The following CDH23 variants were observed in gnomAD, a reference collection of about 807,000 sequenced individuals.
The protein encoded by CDH23 is cadherin related 23, also known as cadherin-23.
A neutral mutation model predicts 317.1 loss-of-function variants in CDH23; 189 were observed. That is an observed-to-expected ratio of 0.60 (90% CI 0.53 to 0.67). The LOEUF (loss-of-function observed/expected upper bound fraction) is 0.67, where lower values mean the gene tolerates loss of function less well. Among genes scored for constraint, CDH23 ranks in the 30% least tolerant of loss-of-function variants. The pLI, the probability that CDH23 is intolerant of heterozygous loss-of-function variation, is 0.00. For synonymous variants in CDH23, 1,839 were observed against 1,876.8 expected (o/e 0.98, Z 0.52); for missense variants, 4,401 against 4,592.4 (o/e 0.96, Z 1.20).
chr10:71,752,453 C>T (rs1840028485), intron 38 of CDH23, among the ~76,000 whole-genome samples: 1 of 152,146 alleles, frequency 6.6e-6, no homozygotes, highest in South Asian at 2.1e-4. Flanking sequence ...CTGAACACAC[C>T]CTCCAGGCCA....
At chr10:71,533,285 C>A (rs572522195) in intron 6 of CDH23, among the ~76,000 whole-genome samples, 26 of 152,238 alleles carry the variant, frequency 1.7e-4, no homozygotes, top group African/African-American at 6.3e-4. Flanking sequence ...ACCTTGGCTT[C>A]CTTGTCTGCA....
At chr10:71,655,035 C>G (rs1329829000) in intron 14 of CDH23, among the ~76,000 whole-genome samples, 1 of 152,136 alleles carries the variant, frequency 6.6e-6, no homozygotes, top group African/African-American at 2.4e-5. Context: ...TTTTCCATAC[C>G]ACTTCTGAGC....
In CDH23 at chr10:71,805,957, C is replaced by T. The variant is rs1841702595; in HGVS notation, c.8024C>T (p.Thr2675Ile). 1 of 1,611,206 alleles carries T rather than the reference C, an allele frequency of 6.2e-7. No homozygotes were observed. Residue 2675 changes from threonine (T) to isoleucine (I), a missense_variant, in exon 56 of 70, where the codon ACT (threonine) becomes ATT (isoleucine). Transcript: ENST00000224721. ...GACCCAATCAGCGGCCTCATCCAGA[C>T]TGCTCAGCGCCTGGACCGCGAGTCG... ...IIDPISGLIQ[T>I]AQRLDRESQA...
intron 3 of CDH23, among the ~76,000 whole-genome samples, chr10:71,486,407 G>A (rs1852349521): frequency 6.6e-6 from 1 of 152,122 alleles, no homozygotes; most frequent in African/African-American, 2.4e-5. Flanking sequence ...ATGAGAGGAG[G>A]GGAGCAGCCT....
intron 11 of CDH23, among the ~76,000 whole-genome samples, chr10:71,626,214 G>T (rs140183318): frequency 6.6e-6 from 1 of 152,120 alleles, no homozygotes; most frequent in Non-Finnish European, 1.5e-5. Flanking sequence ...CTGAGAAGGG[G>T]GTGCCTGGGC....
chr10:71,756,517 G>A (rs79713244), intron 38 of CDH23, among the ~76,000 whole-genome samples: 3,134 of 152,254 alleles, frequency 0.021, 121 homozygotes, highest in African/African-American at 0.071. Context: ...AATTCCTAGC[G>A]GTCAAAGTGC....
At chr10:71,526,336 G>T (rs1025428393) in intron 6 of CDH23, among the ~76,000 whole-genome samples, 1 of 152,218 alleles carries the variant, frequency 6.6e-6, no homozygotes, top group African/African-American at 2.4e-5. Flanking sequence ...GGCTCTCCAC[G>T]TGGGCCCAGG....
At chr10:71,571,529 T>C in intron 8 of CDH23, among the ~76,000 whole-genome samples, 1 of 152,336 alleles carries the variant, frequency 6.6e-6, no homozygotes, top group East Asian at 1.9e-4. Flanking sequence ...CATGGGTGTC[T>C]TAGAGGACAA....
intron 3 of CDH23, among the ~76,000 whole-genome samples, chr10:71,468,064 C>A (rs939353059): frequency 1.3e-5 from 2 of 152,188 alleles, no homozygotes; most frequent in African/African-American, 4.8e-5. Context: ...CTGATGGAAG[C>A]TCTGAGCTCT....
intron 6 of CDH23, among the ~76,000 whole-genome samples, chr10:71,560,930 A>G (rs1023489825): frequency 6.6e-6 from 1 of 152,224 alleles, no homozygotes; most frequent in Admixed American, 6.5e-5. Flanking sequence ...GATGGCACCT[A>G]TGGTGGAAAT....
At chr10:71,471,404 C>A (rs1851501031) in intron 3 of CDH23, among the ~76,000 whole-genome samples, 1 of 152,216 alleles carries the variant, frequency 6.6e-6, no homozygotes, top group South Asian at 2.1e-4. Context: ...TCTCTCCCAC[C>A]ACTGTGATTG....
At chr10:71,641,893 A>G (rs1188181343) in intron 11 of CDH23, among the ~76,000 whole-genome samples, 1 of 152,174 alleles carries the variant, frequency 6.6e-6, no homozygotes, top group East Asian at 1.9e-4. Context: ...AGCCTGGCCA[A>G]CAGGCGAAAA....
At chr10:71,666,318 G>A (rs988671681) in intron 14 of CDH23, among the ~76,000 whole-genome samples, 1 of 150,296 alleles carries the variant, frequency 6.7e-6, no homozygotes, top group African/African-American at 2.5e-5. Context: ...CCACCCCACC[G>A]CTCACTCCCT....
At chr10:71,501,118 T>C (rs1344960531) in intron 3 of CDH23, among the ~76,000 whole-genome samples, 2 of 152,162 alleles carry the variant, frequency 1.3e-5, no homozygotes, top group African/African-American at 4.8e-5. Flanking sequence ...TCCACCCACC[T>C]TGGCCTCCCA....
intron 6 of CDH23, among the ~76,000 whole-genome samples, chr10:71,533,570 C>CACACACACA (rs1855536445): frequency 8.9e-6 from 1 of 112,308 alleles, no homozygotes; most frequent in African/African-American, 3.4e-5. Flanking sequence ...CACACACACA[C>CACACACACA]TGGCTGGGGC....
chr10:71,707,213 C>T, intron 26 of CDH23, 164 bp downstream of exon 26: 1 of 1,493,936 alleles, frequency 6.7e-7, no homozygotes, highest in Non-Finnish European at 8.9e-7. Context: ...GGATTTGCTC[C>T]TGGCTCTTCC....
intron 1 of CDH23, among the ~76,000 whole-genome samples, chr10:71,439,459 G>A (rs1260081536): frequency 2.0e-5 from 3 of 152,086 alleles, no homozygotes; most frequent in Non-Finnish European, 1.5e-5. Context: ...GGGGGATGTG[G>A]TCCTGGAGGC....
At chr10:71,669,823 G>A (rs915169115) in intron 14 of CDH23, among the ~76,000 whole-genome samples, 2 of 151,580 alleles carry the variant, frequency 1.3e-5, no homozygotes, top group Non-Finnish European at 2.9e-5. Flanking sequence ...ACAGCAGCCA[G>A]CACATTGGAA....
Position 71,553,568 on chromosome 10 carries a change from G to C in CDH23, c.430-13174G>C, listed in dbSNP as rs1280039520. On this transcript the variant is annotated intron_variant, in intron 6 of 69. Transcript: ENST00000224721. ...AGAATGTACACTCACCCAGGCTTGG[G>C]ACAGAGGGACAGGGGTGGGAGGAGT... Among the ~76,000 whole-genome samples, 4 of 152,336 alleles carry C rather than the reference G, an allele frequency of 2.6e-5. No homozygotes were observed. In the East Asian group the frequency reaches 7.7e-4, roughly 29 times the overall value.
Sources: gnomAD v4.1 joint callset for allele counts (sites outside exome capture counted in the v4.1 genomes callset) on GRCh38, gnomAD v4.1.1 for gene constraint, MANE v1.5 for transcripts, NCBI Gene and HGNC (gene_info 2026-07-23, HGNC 2026-07-21) for gene names.